The following CBFA2T3 variants were observed in gnomAD, a reference collection of about 807,000 sequenced individuals.
CBFA2T3 encodes transcriptional corepressor CBFA2T3.
Under a neutral mutation model 58.6 loss-of-function variants are expected in CBFA2T3, and 31 were observed. The ratio of observed to expected loss-of-function variants is 0.53; its 90% confidence interval spans 0.40 to 0.71. The LOEUF (loss-of-function observed/expected upper bound fraction) is 0.71, where lower values mean the gene tolerates loss of function less well. CBFA2T3 is among the 30% of genes least tolerant of loss of function. The pLI, the probability that CBFA2T3 is intolerant of heterozygous loss-of-function variation, is 0.00. For synonymous variants in CBFA2T3, 531 were observed against 421.9 expected (o/e 1.26, Z -3.17); for missense variants, 1,076 against 963.1 (o/e 1.12, Z -1.55).
rs148180483 is a variant in CBFA2T3 at position 88,875,905 on chromosome 16, C to T, written c.*1071G>A. On this transcript the variant is annotated 3_prime_UTR_variant, in exon 12 of 12. Transcript: ENST00000268679. ...TTCCTACACATATGGAGACGCAGGC[C>T]GGAGCAACGGCACACGGACCACGCA... 697 of 233,174 alleles carry T rather than the reference C, an allele frequency of 3.0e-3. 2 individuals carry two copies. Among genetic ancestry groups the T allele is most frequent in the Middle Eastern group, 0.011 (9 of 786 alleles). 14.4% of individuals were successfully genotyped at this position (233,174 alleles called of 1,614,324 possible). A position where few individuals can be genotyped will look rare whatever the true frequency, so the allele number is the denominator to read the frequency against.
chr16:88,911,312 C>T (rs1351355505), intron 1 of CBFA2T3, among the ~76,000 whole-genome samples: 6 of 152,254 alleles, frequency 3.9e-5, no homozygotes, highest in Non-Finnish European at 7.3e-5. Flanking sequence ...AAACCCAGTT[C>T]GCCTCCCGCG....
chr16:88,912,742 C>T (rs1031131665), intron 1 of CBFA2T3, among the ~76,000 whole-genome samples: 1 of 152,248 alleles, frequency 6.6e-6, no homozygotes, highest in African/African-American at 2.4e-5. Flanking sequence ...TCTGCCTCCC[C>T]TGGCAGCCCT....
At chr16:88,932,970 G>A (rs1726777679) in intron 1 of CBFA2T3, among the ~76,000 whole-genome samples, 1 of 135,552 alleles carries the variant, frequency 7.4e-6, no homozygotes, top group Non-Finnish European at 1.7e-5. Context: ...TTGTGTCTGG[G>A]GGAAAAAAAG....
Position 88,889,880 on chromosome 16 carries a change from G to A in CBFA2T3, c.711+2002C>T, listed in dbSNP as rs574262772. On this transcript the variant is annotated intron_variant, in intron 5 of 11. Transcript: ENST00000268679. ...GGGACACTTCAAATCCCTGGACGAC[G>A]CCCCGCGATTCCTCCTCCTTCAGGG... Among the ~76,000 whole-genome samples the A allele has an allele frequency of 9.6e-5, 11 of 114,510 alleles. 1 individual carries two copies. The South Asian group carries it at 3.0e-3, about 32-fold the overall frequency. 75.1% of individuals were successfully genotyped at this position (114,510 alleles called of 152,430 possible).
chr16:88,948,483 G>A (rs1345297173), intron 1 of CBFA2T3, among the ~76,000 whole-genome samples: 1 of 152,212 alleles, frequency 6.6e-6, no homozygotes, highest in African/African-American at 2.4e-5. Context: ...GGCACCAGAT[G>A]ACGCGGCTTC....
chr16:88,904,322 C>T (rs1209658911), intron 1 of CBFA2T3, among the ~76,000 whole-genome samples: 1 of 152,158 alleles, frequency 6.6e-6, no homozygotes, highest in Non-Finnish European at 1.5e-5. Context: ...GCATCCTCAC[C>T]GAGACCCTCT....
chr16:88,889,201 C>T (rs1475788259), intron 5 of CBFA2T3, among the ~76,000 whole-genome samples: 1 of 151,388 alleles, frequency 6.6e-6, no homozygotes, highest in East Asian at 1.9e-4. Context: ...CAGATGGGCC[C>T]AGGCTCCTGC....
chr16:88,955,945 G>T (rs1972208118), intron 1 of CBFA2T3, among the ~76,000 whole-genome samples: 2 of 142,452 alleles, frequency 1.4e-5, no homozygotes, highest in Non-Finnish European at 3.0e-5. Flanking sequence ...CCCGCCCAAG[G>T]CTCCTGACCC....
At chr16:88,898,570 G>C (rs78455371) in intron 2 of CBFA2T3, among the ~76,000 whole-genome samples, 1 of 152,234 alleles carries the variant, frequency 6.6e-6, no homozygotes, top group Non-Finnish European at 1.5e-5. Context: ...GGGGCCCCTT[G>C]TTTTCATCGT....
chr16:88,926,974 A>C (rs975427709), intron 1 of CBFA2T3, among the ~76,000 whole-genome samples: 1 of 151,944 alleles, frequency 6.6e-6, no homozygotes, highest in Non-Finnish European at 1.5e-5. Flanking sequence ...AGGTGGCGGC[A>C]CACTCCTGCC....
At chr16:88,896,800 G>A (rs1208147855) in intron 3 of CBFA2T3, among the ~76,000 whole-genome samples, 2 of 152,194 alleles carry the variant, frequency 1.3e-5, no homozygotes, top group Non-Finnish European at 2.9e-5. Context: ...CGGCCAGCCT[G>A]GGCCTGGCCC....
At chr16:88,925,281 G>A (rs922466464) in intron 1 of CBFA2T3, among the ~76,000 whole-genome samples, 1 of 152,206 alleles carries the variant, frequency 6.6e-6, no homozygotes, top group Admixed American at 6.5e-5. Flanking sequence ...AGCCGTGGTG[G>A]CAGCTGCTCG....
intron 1 of CBFA2T3, among the ~76,000 whole-genome samples, chr16:88,943,873 A>G (rs1317522718): frequency 6.6e-6 from 1 of 152,174 alleles, no homozygotes; most frequent in Non-Finnish European, 1.5e-5. Flanking sequence ...AGTCTGTCCG[A>G]CAAGGCCAGC....
At chr16:88,882,642 G>C (rs1172911014) in intron 8 of CBFA2T3, 34 bp downstream of exon 8, 1 of 1,415,946 alleles carries the variant, frequency 7.1e-7, no homozygotes, top group African/African-American at 1.4e-5. Flanking sequence ...GCCTGGGCAT[G>C]GCTGTGTGGG....
rs200106739 is a variant in CBFA2T3 at position 88,885,035 on chromosome 16, G to A, written c.1117+11C>T. 1.9e-5 allele frequency: 30 copies of A among 1,586,164 alleles called. No homozygotes were observed. The highest frequency in any genetic ancestry group is 1.7e-4 in the Middle Eastern group (1 of 5,844). On this transcript the variant is annotated intron_variant, in intron 7 of 11. Transcript: ENST00000268679. The surrounding 1 kb of genome is among the most constrained non-coding windows in gnomAD (Gnocchi z 5.3). ...CACGCGTCCACGCTCCCGCCCCACC[G>A]GGCTGCTCACCAAGCGGCCGATGGC...
At chr16:88,973,920 C>T (rs1972721398) in intron 1 of CBFA2T3, among the ~76,000 whole-genome samples, 1 of 151,956 alleles carries the variant, frequency 6.6e-6, no homozygotes, top group South Asian at 2.1e-4. Flanking sequence ...CCCGCCTTGC[C>T]CGGTCCCCAT....
rs1969044276 is a variant in CBFA2T3 at position 88,880,941 on chromosome 16, G to A, written c.1403-153C>T. 7 of 729,200 alleles carry A rather than the reference G, an allele frequency of 9.6e-6. No individual in the cohort carries two copies. The Admixed American group carries it at 1.5e-4, about 16-fold the overall frequency. The allele number at this position is 729,200 out of a possible 1,614,324, so 45.2% of individuals were successfully genotyped here. On this transcript the variant is annotated intron_variant, in intron 9 of 11. Transcript: ENST00000268679. ...GTGCCCTCGGACAAGGTCTGGCTCA[G>A]GCACCCAGGGCAGTGCCCGGGCACG...
At chr16:88,894,800 G>T (rs1022979317) in intron 3 of CBFA2T3, among the ~76,000 whole-genome samples, 3 of 152,268 alleles carry the variant, frequency 2.0e-5, no homozygotes, top group African/African-American at 7.2e-5. Flanking sequence ...CCGTGTGTTC[G>T]CACCTGTGGC....
intron 7 of CBFA2T3, chr16:88,884,825 C>A (rs756065754): frequency 2.1e-6 from 1 of 467,126 alleles, no homozygotes. Flanking sequence ...GGCCCGAGGC[C>A]GCCCACCCCG....
Sources: allele counts gnomAD v4.1 joint callset (sites outside exome capture counted in the v4.1 genomes callset), GRCh38; gene constraint gnomAD v4.1.1; non-coding constraint Gnocchi (gnomAD v3.1); transcripts MANE v1.5; gene names NCBI Gene and HGNC (gene_info 2026-07-23, HGNC 2026-07-21).